HECTD4: variants seen among roughly 807,000 people sequenced by gnomAD.
HECTD4 encodes the protein probable E3 ubiquitin-protein ligase HECTD4.
In HECTD4, 114 loss-of-function variants were observed where a neutral mutation model predicts 471.5. The observed-to-expected ratio is 0.24, with a 90% CI of 0.21 to 0.28. The LOEUF (loss-of-function observed/expected upper bound fraction) is 0.28. HECTD4 is among the 10% of genes least tolerant of loss of function. The pLI is 1.00. For missense variants in HECTD4, 3,866 were observed against 5,651.5 expected (o/e 0.68, Z 10.13); for synonymous variants, 2,012 against 2,256.0 (o/e 0.89, Z 3.07).
At chr12:112,266,284 A>C (rs954099115) in intron 14 of HECTD4, among the ~76,000 whole-genome samples, 6 of 152,188 alleles carry the variant, frequency 3.9e-5, no homozygotes, top group African/African-American at 1.4e-4. Context: ...GTTTAGTCTA[A>C]CTTAAAATGT....
At chr12:112,170,297 C>T in intron 69 of HECTD4, 36 bp downstream of exon 69, 1 of 1,610,252 alleles carries the variant, frequency 6.2e-7, no homozygotes, top group Non-Finnish European at 8.5e-7. Flanking sequence ...TAGGCACTGC[C>T]ATTTTGCATT....
In HECTD4 at chr12:112,191,562, AC is replaced by A. The variant is rs936940122; in HGVS notation, c.9293-598del. ...CTGCCCCTGAAGCCCCTCTATAAAC[AC>A]CAGTCAGACAGAAGCCAGGGCATCA... On this transcript the variant is annotated intron_variant, in intron 59 of 75. Coordinates refer to ENST00000682272, the MANE Select transcript of HECTD4 (RefSeq NM_001388303.1). 3.3e-5 allele frequency among the ~76,000 whole-genome samples: 5 copies of A among 152,212 alleles called. No homozygotes were observed. In the East Asian group the frequency reaches 7.7e-4, roughly 23 times the overall value.
intron 4 of HECTD4, among the ~76,000 whole-genome samples, chr12:112,312,749 C>T (rs974243502): frequency 6.6e-6 from 1 of 152,066 alleles, no homozygotes; most frequent in Non-Finnish European, 1.5e-5. Flanking sequence ...TATCCAGCAG[C>T]CAATTTAAGT....
At position 112,239,128 on chromosome 12, in the gene HECTD4, C is replaced by T; in HGVS notation, c.5214G>A (p.Lys1738=). 1.2e-6 allele frequency: 2 copies of T among 1,613,988 alleles called. No homozygotes were observed. The highest frequency in any genetic ancestry group is 1.6e-4 in the Middle Eastern group (1 of 6,062). ...CCCAGGCCATGGTGGCCACCTTCTG[C>T]TTCTTGGTCTGTTTCTCACTGGAGC... ...ESSSSEKQTK[K]QKVATMAWAA... The change falls in exon 34 of 76, where the codon AAG becomes AAA. Residue 1738 remains lysine (K), a synonymous_variant. Coordinates refer to ENST00000682272, the MANE Select transcript of HECTD4 (RefSeq NM_001388303.1). This position sits in a 1 kb window ranked among gnomAD's most constrained non-coding sequence, Gnocchi z 4.9.
chr12:112,256,102 C>T (rs1352351978), intron 21 of HECTD4, among the ~76,000 whole-genome samples: 1 of 152,150 alleles, frequency 6.6e-6, no homozygotes, highest in African/African-American at 2.4e-5. Context: ...TTCAACATAT[C>T]ATTAAAACAT....
intron 32 of HECTD4, among the ~76,000 whole-genome samples, chr12:112,242,308 T>C (rs2033659013): frequency 6.6e-6 from 1 of 152,192 alleles, no homozygotes; most frequent in African/African-American, 2.4e-5. Flanking sequence ...TGTATATCTA[T>C]GAGCTCTTAA....
intron 7 of HECTD4, among the ~76,000 whole-genome samples, chr12:112,300,085 G>T (rs375754454): frequency 3.3e-5 from 5 of 152,078 alleles, no homozygotes; most frequent in African/African-American, 1.2e-4. Flanking sequence ...GGAGGCCAAG[G>T]GGGTGGATCA....
At chr12:112,333,803 T>C (rs558610926) in intron 1 of HECTD4, among the ~76,000 whole-genome samples, 8 of 152,346 alleles carry the variant, frequency 5.3e-5, no homozygotes, top group African/African-American at 1.9e-4. Flanking sequence ...GGCAAACCAA[T>C]TCATTATTTT....
intron 3 of HECTD4, among the ~76,000 whole-genome samples, chr12:112,313,526 C>T (rs1372381608): frequency 7.4e-6 from 1 of 135,036 alleles, no homozygotes; most frequent in Non-Finnish European, 1.5e-5. Flanking sequence ...CTCGCTCTGT[C>T]ACTCAGGCTG....
At chr12:112,294,934 C>G (rs972555058) in intron 7 of HECTD4, among the ~76,000 whole-genome samples, 3 of 152,104 alleles carry the variant, frequency 2.0e-5, no homozygotes, top group African/African-American at 7.2e-5. Context: ...TACTTCCAGT[C>G]TCTTGTGATG....
In HECTD4 at chr12:112,239,872, C is replaced by T. The variant is rs760036698; in HGVS notation, c.5105+9G>A. On this transcript the variant is annotated intron_variant, in intron 33 of 75. Transcript: ENST00000682272. The surrounding 1 kb of genome is among the most constrained non-coding windows in gnomAD (Gnocchi z 4.9). ...ACTTACATACAACAAAAGGCCTTTC[C>T]GTACTTACCTGGTGTAAGGTATGGT... The T allele has an allele frequency of 1.8e-5, 29 of 1,607,004 alleles. No homozygotes were observed. The highest frequency in any genetic ancestry group is 1.7e-4 in the Middle Eastern group (1 of 6,038).
chr12:112,235,426 G>T lies in HECTD4; in HGVS notation c.5725+78C>A. 1 of 1,516,054 alleles carries T rather than the reference G, an allele frequency of 6.6e-7. No homozygotes were observed. Among genetic ancestry groups the T allele is most frequent in the Non-Finnish European group, 8.9e-7 (1 of 1,125,044 alleles). The allele number at this position is 1,516,054 out of a possible 1,614,324, so 93.9% of individuals were successfully genotyped here. A position where few individuals can be genotyped will look rare whatever the true frequency, so the allele number is the denominator to read the frequency against. On this transcript the variant is annotated intron_variant, in intron 36 of 75. Transcript: ENST00000682272. The surrounding 1 kb of genome is among the most constrained non-coding windows in gnomAD (Gnocchi z 5.0). Reference sequence around the variant, plus strand: ...GTCACTCACTCTTTCATCATAGGAAGCACAGATGCAAGGGGGACCTGACTG... The same window carrying T: ...GTCACTCACTCTTTCATCATAGGAATCACAGATGCAAGGGGGACCTGACTG...
Position 112,193,492 on chromosome 12 carries a change from TC to T in HECTD4, c.8931del (p.Lys2978AsnfsTer30). 6.2e-7 allele frequency: 1 copy of T among 1,610,234 alleles called. No individual in the cohort carries two copies. The highest frequency in any genetic ancestry group is 8.5e-7 in the Non-Finnish European group (1 of 1,178,334). The part of the protein sequence containing the change: ...HQGEESLLEL[T>X]KQICSFLQTA... ...ACCTGCAGGAAAGAGCAGATCTGTT[TC>T]GTCAGCTCTAAAAGGCTCTCCTCGC... On this transcript the variant is annotated frameshift_variant, in exon 57 of 76. Transcript: ENST00000682272. LOFTEE classifies it high-confidence loss of function. The surrounding 1 kb of genome is among the most constrained non-coding windows in gnomAD (Gnocchi z 5.2).
intron 37 of HECTD4, 105 bp downstream of exon 37, chr12:112,234,972 A>G: frequency 9.9e-7 from 1 of 1,006,864 alleles, no homozygotes; most frequent in Non-Finnish European, 1.4e-6. Context: ...AAAGGGGTGT[A>G]AAGAGGGCCG....
intron 55 of HECTD4, among the ~76,000 whole-genome samples, chr12:112,198,561 C>A (rs1355340768): frequency 6.6e-6 from 1 of 152,050 alleles, no homozygotes; most frequent in Non-Finnish European, 1.5e-5. Flanking sequence ...GGAATGGAGA[C>A]GTGTGCAGAT....
chr12:112,365,519 C>G lies in HECTD4; in HGVS notation c.177+16433G>C, dbSNP rs533010222. On this transcript the variant is annotated intron_variant, in intron 1 of 75. Transcript: ENST00000682272. ...TTCAGCACATTTCACTTCTGACCAGCCACATTCAACTGCTCAATAGCCACA... is the reference window on the plus strand; with the variant it reads ...TTCAGCACATTTCACTTCTGACCAGGCACATTCAACTGCTCAATAGCCACA... 2.0e-5 allele frequency among the ~76,000 whole-genome samples: 3 copies of G among 152,324 alleles called. No individual in the cohort carries two copies. The East Asian group carries it at 5.8e-4, about 29-fold the overall frequency.
chr12:112,342,177 C>T (rs944685666), intron 1 of HECTD4, among the ~76,000 whole-genome samples: 9 of 152,158 alleles, frequency 5.9e-5, no homozygotes, highest in Admixed American at 4.6e-4. Flanking sequence ...CACTAAAGGC[C>T]GGGCATGGTG....
chr12:112,222,496 G>A (rs1327539637), intron 44 of HECTD4, among the ~76,000 whole-genome samples: 3 of 152,178 alleles, frequency 2.0e-5, no homozygotes, highest in Non-Finnish European at 4.4e-5. Context: ...GTAAAACCCT[G>A]TCTCTACTAA....
intron 1 of HECTD4, among the ~76,000 whole-genome samples, chr12:112,343,124 TC>T (rs1303391801): frequency 1.3e-5 from 2 of 152,186 alleles, no homozygotes; most frequent in African/African-American, 2.4e-5. Context: ...ACATGTCAAA[TC>T]TTTTTTTATT....
Sources: allele counts gnomAD v4.1 joint callset (sites outside exome capture counted in the v4.1 genomes callset), GRCh38; gene constraint gnomAD v4.1.1; non-coding constraint Gnocchi (gnomAD v3.1); transcripts MANE v1.5; gene names NCBI Gene and HGNC (gene_info 2026-07-23, HGNC 2026-07-21).